HK1: variants seen among roughly 807,000 people sequenced by gnomAD.
HK1 encodes hexokinase-1.
In HK1, 28 loss-of-function variants were observed where a neutral mutation model predicts 91.6. The ratio of observed to expected loss-of-function variants is 0.31; its 90% CI spans 0.23 to 0.42. The LOEUF is 0.42. Among genes scored for constraint, HK1 ranks in the 10% least tolerant of loss-of-function variants. The pLI, the probability that HK1 is intolerant of heterozygous loss-of-function variation, is 1.00. For synonymous variants in HK1, 430 were observed against 468.1 expected, an observed-to-expected ratio of 0.92 and a Z score of 1.05; for missense variants, 770 against 1,219.8, an observed-to-expected ratio of 0.63 and a Z score of 5.49.
chr10:69,357,649 C>T (rs1198108532), intron 2 of HK1, among the ~76,000 whole-genome samples: 1 of 152,030 alleles, frequency 6.6e-6, no homozygotes, highest in Admixed American at 6.6e-5. Context: ...GACAGGGGCT[C>T]GCCATGTTGC....
intron 7 of HK1, among the ~76,000 whole-genome samples, chr10:69,372,211 C>A (rs886986434): frequency 2.0e-5 from 3 of 152,162 alleles, no homozygotes; most frequent in Admixed American, 1.3e-4. Context: ...CCCACTGGGT[C>A]CCTCCCACTA....
At chr10:69,308,636 G>C (rs1846218022) in intron 5 of HK1, among the ~76,000 whole-genome samples, 2 of 152,306 alleles carry the variant, frequency 1.3e-5, no homozygotes, top group South Asian at 4.1e-4. Context: ...GGCAGGGCCA[G>C]GCCTGGTTTC....
intron 4 of HK1, chr10:69,300,283 TATAA>T: frequency 3.3e-6 from 1 of 300,630 alleles, no homozygotes; most frequent in South Asian, 4.2e-5. Context: ...TTGAACCTCA[TATAA>T]ATATAATCAT....
intron 7 of HK1, among the ~76,000 whole-genome samples, chr10:69,374,170 G>T (rs1315000041): frequency 2.0e-5 from 3 of 152,126 alleles, no homozygotes; most frequent in African/African-American, 4.8e-5. Context: ...GGAATCTCTC[G>T]GCAGCTCCGG....
At chr10:69,283,405 T>G (rs1383785774) in intron 2 of HK1, among the ~76,000 whole-genome samples, 1 of 139,540 alleles carries the variant, frequency 7.2e-6, no homozygotes, top group Admixed American at 7.1e-5. Context: ...AGTGAGCCCA[T>G]GATCGCACCA....
chr10:69,314,902 G>T (rs956781064), upstream of HK1, among the ~76,000 whole-genome samples: 3 of 151,716 alleles, frequency 2.0e-5, no homozygotes, highest in Non-Finnish European at 4.4e-5. Flanking sequence ...TCCTGACCAC[G>T]TGATCCTCCC....
intron 8 of HK1, 65 bp from the exon 9 acceptor site, chr10:69,379,797 G>A (rs1449756141): frequency 1.7e-6 from 2 of 1,151,004 alleles, no homozygotes; most frequent in East Asian, 4.7e-5. Context: ...GCACCTTTGA[G>A]CCTCAGTGCT....
At chr10:69,372,899 T>G (rs552099872) in intron 7 of HK1, among the ~76,000 whole-genome samples, 33 of 152,132 alleles carry the variant, frequency 2.2e-4, no homozygotes, top group Non-Finnish European at 4.4e-4. Context: ...GAGACAGTCT[T>G]GCTCTGTCAC....
intron 3 of HK1, among the ~76,000 whole-genome samples, chr10:69,363,585 C>T (rs530872322): frequency 1.4e-4 from 21 of 152,280 alleles, no homozygotes; most frequent in Middle Eastern, 3.4e-3. Flanking sequence ...CACTTTGTTG[C>T]CCAGGCTGGT....
chr10:69,301,016 A>T (rs1370524836), intron 5 of HK1, among the ~76,000 whole-genome samples: 1 of 152,132 alleles, frequency 6.6e-6, no homozygotes, highest in Non-Finnish European at 1.5e-5. Context: ...AGGCTGAGGC[A>T]GGTGGATCAC....
chr10:69,284,527 G>A (rs1279774890), intron 2 of HK1, among the ~76,000 whole-genome samples: 2 of 149,534 alleles, frequency 1.3e-5, no homozygotes, highest in Admixed American at 6.6e-5. Flanking sequence ...GAATCCAGCT[G>A]CTTAAGCCAA....
intron 15 of HK1, among the ~76,000 whole-genome samples, chr10:69,393,657 C>A (rs1201042404): frequency 3.3e-5 from 5 of 152,170 alleles, no homozygotes; most frequent in Non-Finnish European, 7.3e-5. Flanking sequence ...CCAATAGTAC[C>A]ATAAAGAGAT....
At chr10:69,370,939 T>A (rs1162476018) in intron 7 of HK1, among the ~76,000 whole-genome samples, 2 of 152,278 alleles carry the variant, frequency 1.3e-5, no homozygotes, top group East Asian at 3.9e-4. Context: ...CTACCCAGCC[T>A]CCCAGCAGCC....
In HK1 at chr10:69,369,335, C is replaced by T. The variant is rs760908739; in HGVS notation, c.690C>T (p.Ile230=). The stretch of plus-strand genomic sequence containing the variant: ...AGCACTGTGAAGTCGGCCTGATCAT[C>T]GGTAATGCATTCCCCTTTGCCCATC... The part of the protein sequence containing the change: ...DDQHCEVGLI[I]GTGTNACYME... The change falls in exon 6 of 18, where the codon ATC becomes ATT. Residue 230 remains isoleucine (I), a splice_region_variant and synonymous_variant. Transcript: ENST00000359426. The surrounding 1 kb of genome is among the most constrained non-coding windows in gnomAD (Gnocchi z 4.4). The T allele has an allele frequency of 9.9e-6, 16 of 1,613,788 alleles. No individual in the cohort carries two copies. Among genetic ancestry groups the T allele is most frequent in the East Asian group, 2.2e-5 (1 of 44,894 alleles).
At chr10:69,300,537 T>C in intron 4 of HK1, 1 of 707,220 alleles carries the variant, frequency 1.4e-6, no homozygotes, top group Middle Eastern at 4.1e-4. Context: ...ACTGGCCAGA[T>C]GGAAGCAGAT....
At chr10:69,389,966 C>A (rs1057476512) in intron 14 of HK1, among the ~76,000 whole-genome samples, 2 of 152,254 alleles carry the variant, frequency 1.3e-5, no homozygotes, top group Middle Eastern at 3.4e-3. Flanking sequence ...CTGCTCCTCG[C>A]GTCAGGGGAT....
intron 7 of HK1, among the ~76,000 whole-genome samples, chr10:69,371,175 A>C (rs1366512271): frequency 6.6e-6 from 1 of 152,182 alleles, no homozygotes; most frequent in Non-Finnish European, 1.5e-5. Flanking sequence ...AGCAGTGAAT[A>C]AACTAGGTTT....
At chr10:69,273,995 AT>A (rs769729182) in intron 1 of HK1, among the ~76,000 whole-genome samples, 136 of 149,514 alleles carry the variant, frequency 9.1e-4, no homozygotes, top group Non-Finnish European at 1.3e-3. Context: ...ACTTCTTTGC[AT>A]TTTTTTTTAA....
intron 2 of HK1, among the ~76,000 whole-genome samples, chr10:69,351,367 G>A (rs1027173131): frequency 6.6e-6 from 1 of 151,954 alleles, no homozygotes; most frequent in Non-Finnish European, 1.5e-5. Context: ...AAATGAGCTG[G>A]GCGTGGTGGT....
Sources: gnomAD v4.1 joint callset for allele counts (sites outside exome capture counted in the v4.1 genomes callset) on GRCh38, gnomAD v4.1.1 for gene constraint, Gnocchi (gnomAD v3.1) non-coding constraint, MANE v1.5 for transcripts, NCBI Gene and HGNC (gene_info 2026-07-23, HGNC 2026-07-21) for gene names.